The following LRRC4C variants were observed in gnomAD, a reference collection of about 807,000 sequenced individuals.
LRRC4C encodes the protein leucine-rich repeat-containing protein 4C.
Under a neutral mutation model 33.6 loss-of-function variants are expected in LRRC4C, and 5 were observed. The observed-to-expected ratio is 0.15, with a 90% CI of 0.08 to 0.31. The LOEUF (loss-of-function observed/expected upper bound fraction) is 0.31. Ranked by LOEUF, LRRC4C falls within the 10% of genes least tolerant of loss-of-function variation. The probability of loss-of-function intolerance (pLI) is 1.00; values close to 1 mark genes in which losing one functional copy is unlikely to be tolerated. For synonymous variants in LRRC4C, 329 were observed against 302.0 expected (o/e 1.09, Z -0.93); for missense variants, 560 against 796.7 (o/e 0.70, Z 3.58).
At chr11:40,375,737 C>T (rs150360663) in intron 3 of LRRC4C, among the ~76,000 whole-genome samples, 24 of 152,260 alleles carry the variant, frequency 1.6e-4, no homozygotes, top group African/African-American at 4.6e-4. Context: ...AACATATAAA[C>T]GTAGACACAG....
chr11:40,452,644 C>G (rs1190576437), intron 3 of LRRC4C, among the ~76,000 whole-genome samples: 1 of 152,140 alleles, frequency 6.6e-6, no homozygotes, highest in African/African-American at 2.4e-5. Context: ...GGATCTAGAA[C>G]TAGAAATACC....
chr11:41,254,188 A>T (rs572850009), intron 1 of LRRC4C, among the ~76,000 whole-genome samples: 1 of 152,166 alleles, frequency 6.6e-6, no homozygotes, highest in Admixed American at 6.6e-5. Flanking sequence ...GAACACATAA[A>T]TGAAAAGGCA....
chr11:40,252,337 T>C (rs1866853642), intron 4 of LRRC4C, among the ~76,000 whole-genome samples: 1 of 151,816 alleles, frequency 6.6e-6, no homozygotes, highest in African/African-American at 2.4e-5. Flanking sequence ...CATATATGTA[T>C]ATACATATAC....
At chr11:41,241,094 AG>A (rs1948231446) in intron 1 of LRRC4C, among the ~76,000 whole-genome samples, 1 of 152,196 alleles carries the variant, frequency 6.6e-6, no homozygotes, top group Admixed American at 6.5e-5. Context: ...ACTGTTAAAT[AG>A]GGTTAGTGGT....
chr11:41,273,687 G>A (rs574688076), intron 1 of LRRC4C, among the ~76,000 whole-genome samples: 279 of 152,212 alleles, frequency 1.8e-3, no homozygotes, highest in South Asian at 5.6e-3. Context: ...CCTACAGTTC[G>A]CAATATGGTA....
chr11:41,136,964 T>C (rs1943289985), intron 1 of LRRC4C, among the ~76,000 whole-genome samples: 1 of 152,004 alleles, frequency 6.6e-6, no homozygotes. Context: ...AAGTGCCCTT[T>C]AGGCTGGGTG....
At chr11:41,411,111 T>G (rs1318065948) in intron 1 of LRRC4C, among the ~76,000 whole-genome samples, 1 of 149,558 alleles carries the variant, frequency 6.7e-6, no homozygotes, top group Non-Finnish European at 1.5e-5. Flanking sequence ...ATGCACTTGC[T>G]TTTAGATGAG....
chr11:41,228,339 T>G (rs974458602), intron 1 of LRRC4C, among the ~76,000 whole-genome samples: 1 of 152,096 alleles, frequency 6.6e-6, no homozygotes, highest in African/African-American at 2.4e-5. Flanking sequence ...TTATGAGATT[T>G]TTTCCCCATT....
At chr11:40,331,410 T>A (rs148450988) in intron 3 of LRRC4C, among the ~76,000 whole-genome samples, 1 of 152,104 alleles carries the variant, frequency 6.6e-6, no homozygotes, top group African/African-American at 2.4e-5. Flanking sequence ...AACCAACATG[T>A]CCATCAGCAG....
intron 3 of LRRC4C, among the ~76,000 whole-genome samples, chr11:40,343,009 G>T (rs1015756532): frequency 6.6e-6 from 1 of 151,718 alleles, no homozygotes; most frequent in Non-Finnish European, 1.5e-5. Context: ...ACTTGCTACC[G>T]CATTTTTTTA....
At chr11:40,259,974 A>G (rs1205991083) in intron 4 of LRRC4C, among the ~76,000 whole-genome samples, 1 of 148,242 alleles carries the variant, frequency 6.7e-6, no homozygotes, top group Non-Finnish European at 1.5e-5. Flanking sequence ...AACTAGTTCA[A>G]CCATTGTGGA....
chr11:40,975,600 T>C (rs1314104296), intron 1 of LRRC4C, among the ~76,000 whole-genome samples: 1 of 152,228 alleles, frequency 6.6e-6, no homozygotes, highest in Non-Finnish European at 1.5e-5. Context: ...ACCATAAATA[T>C]GCTTAGCCTC....
intron 4 of LRRC4C, among the ~76,000 whole-genome samples, chr11:40,265,314 G>A (rs577131582): frequency 4.1e-4 from 63 of 152,074 alleles, no homozygotes; most frequent in Non-Finnish European, 6.2e-4. Context: ...GGACTTTCCC[G>A]TGTCATTTTA....
intron 1 of LRRC4C, among the ~76,000 whole-genome samples, chr11:41,242,028 C>T (rs1948271581): frequency 6.6e-6 from 1 of 152,058 alleles, no homozygotes; most frequent in African/African-American, 2.4e-5. Context: ...ATTGTCTAGT[C>T]CTAAACAAAA....
chr11:40,871,220 G>T (rs1304718408), intron 2 of LRRC4C, among the ~76,000 whole-genome samples: 5 of 152,014 alleles, frequency 3.3e-5, no homozygotes, highest in Admixed American at 2.0e-4. Context: ...CCTGTCCTGT[G>T]GTCCTGTGAT....
intron 3 of LRRC4C, among the ~76,000 whole-genome samples, chr11:40,330,925 C>T (rs1458800030): frequency 1.3e-5 from 2 of 152,146 alleles, no homozygotes; most frequent in African/African-American, 2.4e-5. Context: ...ACTTATTCCT[C>T]CTATCTTGTA....
intron 4 of LRRC4C, among the ~76,000 whole-genome samples, chr11:40,303,659 CA>C (rs958407065): frequency 9.9e-5 from 15 of 151,086 alleles, no homozygotes; most frequent in East Asian, 5.8e-4. Context: ...ACAATTAAAA[CA>C]TTTTTTTTCT....
intron 1 of LRRC4C, among the ~76,000 whole-genome samples, chr11:41,050,632 T>A (rs1858134786): frequency 6.6e-6 from 1 of 152,198 alleles, no homozygotes; most frequent in African/African-American, 2.4e-5. Context: ...TCACTCTTTT[T>A]TATGGCTGCA....
At chr11:40,961,853 C>G (rs1850998855) in intron 1 of LRRC4C, among the ~76,000 whole-genome samples, 1 of 151,620 alleles carries the variant, frequency 6.6e-6, no homozygotes, top group Admixed American at 6.6e-5. Flanking sequence ...CTTTGAGAAA[C>G]CTCCACACCA....
Sources: allele counts gnomAD v4.1 joint callset (sites outside exome capture counted in the v4.1 genomes callset), GRCh38; gene constraint gnomAD v4.1.1; transcripts MANE v1.5; gene names NCBI Gene and HGNC (gene_info 2026-07-23, HGNC 2026-07-21).